Variants in ROCK2 observed in about 807,000 individuals in gnomAD.
ROCK2 encodes the protein Rho associated coiled-coil containing protein kinase 2, also known as rho-associated protein kinase 2.
Under a neutral mutation model 195.1 loss-of-function variants are expected in ROCK2, and 61 were observed. The observed-to-expected ratio is 0.31, with a 90% CI of 0.25 to 0.39. ROCK2 has a LOEUF of 0.39. ROCK2 is among the 10% of genes least tolerant of loss of function. The pLI is 1.00. For synonymous variants in ROCK2, 504 were observed against 545.5 expected, an observed-to-expected ratio of 0.92 and a Z score of 1.06; for missense variants, 1,109 against 1,637.4, an observed-to-expected ratio of 0.68 and a Z score of 5.57.
intron 32 of ROCK2, among the ~76,000 whole-genome samples, 174 bp from the exon 33 acceptor site, chr2:11,183,614 T>A (rs542598011): frequency 2.0e-5 from 3 of 152,314 alleles, no homozygotes; most frequent in African/African-American, 7.2e-5. Context: ...TTCCTATAGG[T>A]ACAACATGCA....
chr2:11,274,311 C>T (rs1420808937), intron 3 of ROCK2, among the ~76,000 whole-genome samples: 1 of 151,836 alleles, frequency 6.6e-6, no homozygotes, highest in African/African-American at 2.4e-5. Context: ...ACAACAAAAT[C>T]AATGAAACCA....
At chr2:11,331,800 CCTGT>C (rs1658824635) in intron 1 of ROCK2, among the ~76,000 whole-genome samples, 1 of 152,184 alleles carries the variant, frequency 6.6e-6, no homozygotes, top group Non-Finnish European at 1.5e-5. Context: ...GTGGCAGGCG[CCTGT>C]AATTCCAGCT....
At position 11,192,803 on chromosome 2, in the gene ROCK2, G is replaced by C; in HGVS notation, c.3688-91C>G. Reference sequence around the variant, plus strand: ...TGATAGTGTAAGTAAAATAAAATTAGCCTAAATTATTCAAAGAGAAGAAAA... The same window carrying C: ...TGATAGTGTAAGTAAAATAAAATTACCCTAAATTATTCAAAGAGAAGAAAA... On this transcript the variant is annotated intron_variant, in intron 30 of 32. Transcript: ENST00000315872. The surrounding 1 kb of genome is among the most constrained non-coding windows in gnomAD (Gnocchi z 5.0). The C allele has an allele frequency of 7.3e-7, 1 of 1,363,772 alleles. No individual in the cohort carries two copies. Among genetic ancestry groups the C allele is most frequent in the Non-Finnish European group, 9.8e-7 (1 of 1,015,554 alleles). 84.5% of individuals were successfully genotyped at this position (1,363,772 alleles called of 1,614,324 possible).
chr2:11,215,212 G>A, intron 15 of ROCK2, 109 bp downstream of exon 15: 1 of 1,454,176 alleles, frequency 6.9e-7, no homozygotes, highest in East Asian at 2.4e-5. Flanking sequence ...TTTTCCAAAT[G>A]ATTTCTAAAA....
chr2:11,210,385 T>C (rs1484317920), intron 18 of ROCK2, among the ~76,000 whole-genome samples: 1 of 151,690 alleles, frequency 6.6e-6, no homozygotes, highest in African/African-American at 2.4e-5. Context: ...AGTGATGCAA[T>C]CATGGCTCAC....
chr2:11,183,221 C>A lies in ROCK2; in HGVS notation c.*216G>T. On this transcript the variant is annotated 3_prime_UTR_variant, in exon 33 of 33. Coordinates refer to ENST00000315872, the MANE Select transcript of ROCK2 (RefSeq NM_004850.5). ...AGAGTTGCATATATCCTTAGTCTAT[C>A]AACCAATCATTGTTGGTTCAACCTG... 1 of 475,872 alleles carries A rather than the reference C, an allele frequency of 2.1e-6. No individual in the cohort carries two copies. The highest frequency in any genetic ancestry group is 3.8e-6 in the Non-Finnish European group (1 of 261,988). The allele number at this position is 475,872 out of a possible 1,614,324, so 29.5% of individuals were successfully genotyped here. A position where few individuals can be genotyped will look rare whatever the true frequency, so the allele number is the denominator to read the frequency against.
In ROCK2 at chr2:11,192,201, C is replaced by T. The variant is rs776128031; in HGVS notation, c.4110G>A (p.Gln1370=). 8.1e-6 allele frequency: 13 copies of T among 1,612,768 alleles called. 1 individual carries two copies. Among genetic ancestry groups the T allele is most frequent in the Middle Eastern group, 3.3e-4 (2 of 6,080 alleles). The change falls in exon 32 of 33, where the codon CAG becomes CAA. Residue 1370 remains glutamine, a synonymous_variant. Coordinates refer to ENST00000315872, the MANE Select transcript of ROCK2 (RefSeq NM_004850.5). The surrounding 1 kb of genome is among the most constrained non-coding windows in gnomAD (Gnocchi z 5.0). ...TTGGCCGTCTAATAGACTGGTTTTG[C>T]TGTATCTTCATTGAAGTTCTAGGAG... The part of the protein sequence containing the change: ...RSSPRTSMKI[Q]QNQSIRRPSR...
intron 1 of ROCK2, among the ~76,000 whole-genome samples, chr2:11,319,409 A>G (rs1668331743): frequency 6.6e-6 from 1 of 151,984 alleles, no homozygotes; most frequent in Admixed American, 6.6e-5. Context: ...TCTGTCTGTT[A>G]CTGGTGTATA....
At chr2:11,302,257 A>G (rs1667729680) in intron 1 of ROCK2, among the ~76,000 whole-genome samples, 1 of 152,106 alleles carries the variant, frequency 6.6e-6, no homozygotes, top group African/African-American at 2.4e-5. Flanking sequence ...CTGAAACATA[A>G]AGCTATACAT....
At chr2:11,278,252 C>T (rs980116048) in intron 3 of ROCK2, among the ~76,000 whole-genome samples, 1 of 152,336 alleles carries the variant, frequency 6.6e-6, no homozygotes, top group East Asian at 1.9e-4. Context: ...AACCACCATT[C>T]TATTCTCTAC....
intron 11 of ROCK2, 139 bp from the exon 12 acceptor site, chr2:11,217,308 T>C (rs1318130176): frequency 1.4e-6 from 1 of 731,620 alleles, no homozygotes; most frequent in East Asian, 2.6e-5. Flanking sequence ...TTGTACCTCC[T>C]TAATGTGACT....
At chr2:11,238,245 T>TGTGTGTGTGTGTGTGTGTGTGTGTC (rs11377542) in intron 4 of ROCK2, among the ~76,000 whole-genome samples, 62 of 38,442 alleles carry the variant, frequency 1.6e-3, no homozygotes, top group African/African-American at 4.3e-3. Flanking sequence ...TGTGTGTCTG[T>TGTGTGTGTGTGTGTGTGTGTGTGTC]TGTGTGTGTC....
intron 17 of ROCK2, among the ~76,000 whole-genome samples, chr2:11,212,384 A>C (rs528772930): frequency 1.4e-3 from 214 of 152,278 alleles, no homozygotes; most frequent in Middle Eastern, 3.4e-3. Flanking sequence ...AAGCTCACTT[A>C]ATCTCAACAA....
intron 6 of ROCK2, 29 bp downstream of exon 6, chr2:11,227,225 T>G: frequency 6.3e-7 from 1 of 1,581,916 alleles, no homozygotes; most frequent in South Asian, 1.1e-5. Flanking sequence ...AGAAGCATTT[T>G]GAAAAAAGAA....
Position 11,309,012 on chromosome 2 carries a change from C to A in ROCK2, c.142-21276G>T, listed in dbSNP as rs1667950463. On this transcript the variant is annotated intron_variant, in intron 1 of 32. Transcript: ENST00000315872. Reference sequence around the variant, plus strand: ...TAGAAACCATCATAGCTCTGTGTAGCGTATTCACCCTTCAACAGGCAGGAA... The same window carrying A: ...TAGAAACCATCATAGCTCTGTGTAGAGTATTCACCCTTCAACAGGCAGGAA... 5.1e-6 allele frequency: 8 copies of A among 1,582,688 alleles called. No individual in the cohort carries two copies. In the Admixed American group the frequency reaches 1.4e-4, roughly 28 times the overall value.
At chr2:11,209,099 A>T (rs972574138) in intron 18 of ROCK2, among the ~76,000 whole-genome samples, 1 of 152,190 alleles carries the variant, frequency 6.6e-6, no homozygotes, top group African/African-American at 2.4e-5. Flanking sequence ...TATGTCTCTC[A>T]GTGTTACTAT....
chr2:11,200,817 TG>T, intron 23 of ROCK2, 139 bp downstream of exon 23: 1 of 618,612 alleles, frequency 1.6e-6, no homozygotes, highest in Non-Finnish European at 2.6e-6. Flanking sequence ...ATTGAGAAGG[TG>T]GCAGTTAACT....
chr2:11,272,602 G>A (rs1015143247), intron 3 of ROCK2, among the ~76,000 whole-genome samples: 2 of 152,018 alleles, frequency 1.3e-5, no homozygotes, highest in Admixed American at 6.6e-5. Context: ...AGAGCTGGCC[G>A]GCTGCAGTGG....
At chr2:11,265,227 T>C (rs778094706) in intron 3 of ROCK2, among the ~76,000 whole-genome samples, 3 of 152,034 alleles carry the variant, frequency 2.0e-5, no homozygotes, top group Middle Eastern at 3.4e-3. Context: ...TACAAAACTA[T>C]GTATATAATG....
Sources: allele counts gnomAD v4.1 joint callset (sites outside exome capture counted in the v4.1 genomes callset), GRCh38; gene constraint gnomAD v4.1.1; non-coding constraint Gnocchi (gnomAD v3.1); transcripts MANE v1.5; gene names NCBI Gene and HGNC (gene_info 2026-07-23, HGNC 2026-07-21).